The following BNC2 variants were observed in gnomAD, a reference collection of about 807,000 sequenced individuals.
BNC2 encodes the protein zinc finger protein basonuclin-2.
BNC2 carries 20 observed loss-of-function variants against 76.3 expected under a neutral mutation model. The observed-to-expected ratio is 0.26, with a 90% CI of 0.18 to 0.38. The LOEUF is 0.38. BNC2 is among the 10% of genes least tolerant of loss of function. The pLI, the probability that BNC2 is intolerant of heterozygous loss-of-function variation, is 1.00. For synonymous variants in BNC2, 582 were observed against 514.8 expected (o/e 1.13, Z -1.77); for missense variants, 1,382 against 1,399.8 (o/e 0.99, Z 0.20).
intron 5 of BNC2, among the ~76,000 whole-genome samples, chr9:16,484,221 A>G (rs1173198653): frequency 6.6e-6 from 1 of 152,220 alleles, no homozygotes. Context: ...TAGCTCAAAA[A>G]AGGCAGCACA....
chr9:16,545,615 T>C (rs1818457323), intron 5 of BNC2, among the ~76,000 whole-genome samples: 1 of 152,140 alleles, frequency 6.6e-6, no homozygotes, highest in South Asian at 2.1e-4. Context: ...TTATAGCTAT[T>C]CCACCACACA....
chr9:16,858,573 G>A (rs191019195), intron 1 of BNC2, among the ~76,000 whole-genome samples: 382 of 152,222 alleles, frequency 2.5e-3, no homozygotes, highest in African/African-American at 8.8e-3. Context: ...GGCCAGGCGC[G>A]GTGGCTCACG....
rs546542618 is a variant in BNC2, at chr9:16,720,858, G to C, written c.330+6939C>G. 2.6e-5 allele frequency among the ~76,000 whole-genome samples: 4 copies of C among 152,194 alleles called. No individual in the cohort carries two copies. The East Asian group carries it at 7.7e-4, about 29-fold the overall frequency. ...CTTCTCCTGATCTCTGCACTTCGTGGCATGAAATGCTACATACAGCATTTG... is the reference window on the plus strand; with the variant it reads ...CTTCTCCTGATCTCTGCACTTCGTGCCATGAAATGCTACATACAGCATTTG... On this transcript the variant is annotated intron_variant, in intron 3 of 6. Transcript: ENST00000380672.
In BNC2 at chr9:16,436,406, T is replaced by A; in HGVS notation, c.1788A>T (p.Pro596=). The change falls in exon 6 of 7, where the codon CCA becomes CCT. Residue 596 remains proline, a synonymous_variant. Coordinates refer to ENST00000380672, the MANE Select transcript of BNC2 (RefSeq NM_017637.6). Reference sequence around the variant, plus strand: ...GGTGCTGCTCTATGGTACCACTGGTTGGAATGATGGGACTGGTTGGGAGGG... The same window carrying A: ...GGTGCTGCTCTATGGTACCACTGGTAGGAATGATGGGACTGGTTGGGAGGG... ...PTSLPTSPII[P]TSGTIEQHPP... The A allele has an allele frequency of 2.5e-6, 4 of 1,614,050 alleles. No individual in the cohort carries two copies. Among genetic ancestry groups the A allele is most frequent in the Non-Finnish European group, 3.4e-6 (4 of 1,180,010 alleles).
rs573426167 is a variant in BNC2 at position 16,629,574 on chromosome 9, T to C, written c.331-46489A>G. 3.5e-4 allele frequency among the ~76,000 whole-genome samples: 54 copies of C among 152,164 alleles called. No homozygotes were observed. The South Asian group carries it at 5.2e-3, about 15-fold the overall frequency. On this transcript the variant is annotated intron_variant, in intron 3 of 6. Coordinates refer to ENST00000380672, the MANE Select transcript of BNC2 (RefSeq NM_017637.6). ...GCAGAACTGGGAGCACCAACAGTAG[T>C]GGGGAAAGAGTAAAGGATGAGCATC...
chr9:16,583,128 G>C (rs1819674717), intron 3 of BNC2, 43 bp from the exon 4 acceptor site: 2 of 1,460,422 alleles, frequency 1.4e-6, no homozygotes, highest in Admixed American at 3.3e-5. Flanking sequence ...TCTGTTCAAA[G>C]ATACTATACT....
chr9:16,845,531 C>G (rs541054804), intron 1 of BNC2, among the ~76,000 whole-genome samples: 20 of 151,788 alleles, frequency 1.3e-4, no homozygotes, highest in South Asian at 2.1e-4. Context: ...ACCATCCTGG[C>G]TAACACAGTG....
chr9:16,664,667 G>A (rs1226769940), intron 3 of BNC2, among the ~76,000 whole-genome samples: 1 of 150,594 alleles, frequency 6.6e-6, no homozygotes, highest in Non-Finnish European at 1.5e-5. Flanking sequence ...GAAAATAAAA[G>A]TAGGGGCAAT....
chr9:16,527,636 G>A (rs1186439290), intron 5 of BNC2, among the ~76,000 whole-genome samples: 1 of 152,132 alleles, frequency 6.6e-6, no homozygotes, highest in Non-Finnish European at 1.5e-5. Flanking sequence ...AATCACTAGG[G>A]AGCGGCTAAA....
chr9:16,818,441 G>C (rs536736947), intron 1 of BNC2, among the ~76,000 whole-genome samples: 1 of 152,140 alleles, frequency 6.6e-6, no homozygotes, highest in Non-Finnish European at 1.5e-5. Context: ...GGAAGGGAGA[G>C]AGAACCGGTT....
chr9:16,661,359 T>G (rs980347924), intron 3 of BNC2, among the ~76,000 whole-genome samples: 8 of 152,212 alleles, frequency 5.3e-5, no homozygotes, highest in Non-Finnish European at 1.0e-4. Context: ...TAAAACAGCA[T>G]GTACCACCTG....
At chr9:16,822,768 C>G (rs539182691) in intron 1 of BNC2, among the ~76,000 whole-genome samples, 3 of 152,122 alleles carry the variant, frequency 2.0e-5, no homozygotes, top group Non-Finnish European at 2.9e-5. Flanking sequence ...CTAGCTGAAA[C>G]TATTGTAGTT....
chr9:16,541,218 G>C (rs372883462), intron 5 of BNC2, among the ~76,000 whole-genome samples: 3 of 152,156 alleles, frequency 2.0e-5, no homozygotes, highest in East Asian at 3.9e-4. Context: ...AGTCACCAGA[G>C]AATCAATGGA....
At chr9:16,721,030 C>G (rs1442253585) in intron 3 of BNC2, among the ~76,000 whole-genome samples, 1 of 152,144 alleles carries the variant, frequency 6.6e-6, no homozygotes. Context: ...TTTATTTTTC[C>G]TATTCGTTAA....
intron 4 of BNC2, among the ~76,000 whole-genome samples, chr9:16,554,231 C>T (rs1818753052): frequency 6.6e-6 from 1 of 152,178 alleles, no homozygotes; most frequent in African/African-American, 2.4e-5. Flanking sequence ...ACTGCATAAT[C>T]ATGGAGGAAT....
intron 1 of BNC2, among the ~76,000 whole-genome samples, chr9:16,756,793 T>A (rs536067376): frequency 6.6e-6 from 1 of 152,188 alleles, no homozygotes; most frequent in African/African-American, 2.4e-5. Context: ...ATCAAAAATA[T>A]CCTGGCTAAC....
intron 2 of BNC2, among the ~76,000 whole-genome samples, chr9:16,737,562 T>TA: frequency 6.6e-6 from 1 of 150,776 alleles, no homozygotes. Flanking sequence ...TTTTTTTTTT[T>TA]AAAGATGGGG....
intron 1 of BNC2, among the ~76,000 whole-genome samples, chr9:16,793,187 CTCCAACAATACAATGTT>C (rs1309970391): frequency 4.6e-5 from 7 of 152,346 alleles, no homozygotes; most frequent in African/African-American, 1.7e-4. Context: ...TGAATAACTG[CTCCAACAATACAATGTT>C]TTTTTAGACT....
chr9:16,437,217 T>G lies in BNC2; in HGVS notation c.977A>C (p.Gln326Pro). 6.2e-7 allele frequency: 1 copy of G among 1,614,148 alleles called. No individual in the cohort carries two copies. The highest frequency in any genetic ancestry group is 8.5e-7 in the Non-Finnish European group (1 of 1,180,012). ...PNSLAFLLPF[Q>P]YINPVSAPLL... Reference sequence around the variant, plus strand: ...TGGTGCTGAGACAGGGTTTATGTACTGGAATGGAAGCAGAAATGCAAGGCT... The same window carrying G: ...TGGTGCTGAGACAGGGTTTATGTACGGGAATGGAAGCAGAAATGCAAGGCT... Residue 326 changes from glutamine (Q) to proline (P), a missense_variant, in exon 6 of 7, where the codon CAG (glutamine) becomes CCG (proline). Around this residue, in one of 3 missense-constraint regions of BNC2, gnomAD observed 557 missense variants for 540.9 expected, o/e 1.03. Coordinates refer to ENST00000380672, the MANE Select transcript of BNC2 (RefSeq NM_017637.6).
Sources: gnomAD v4.1 joint callset for allele counts (sites outside exome capture counted in the v4.1 genomes callset) on GRCh38, gnomAD v4.1.1 for gene constraint, gnomAD v4.1.1 regional missense constraint, MANE v1.5 for transcripts, NCBI Gene and HGNC (gene_info 2026-07-23, HGNC 2026-07-21) for gene names.